The following PAIP2 variants were observed in gnomAD, a reference collection of about 807,000 sequenced individuals.
PAIP2 encodes the protein poly(A) binding protein interacting protein 2, also known as polyadenylate-binding protein-interacting protein 2.
A neutral mutation model predicts 14.8 loss-of-function variants in PAIP2; 7 were observed. The ratio of observed to expected loss-of-function variants is 0.47; its 90% CI spans 0.27 to 0.89. The LOEUF (loss-of-function observed/expected upper bound fraction) is 0.89. Among genes scored for constraint, PAIP2 ranks in the 40% least tolerant of loss-of-function variants. PAIP2 has a pLI of 0.13. For synonymous variants in PAIP2, 47 were observed against 45.3 expected (o/e 1.04, Z -0.15); for missense variants, 122 against 154.7 (o/e 0.79, Z 1.12).
At chr5:139,342,333 G>C (rs1277771116) in intron 1 of PAIP2, 1 of 151,870 alleles carries the variant, frequency 6.6e-6, no homozygotes, top group African/African-American at 2.4e-5. Flanking sequence ...CCTTTCCCCT[G>C]CCCCCCTCCC....
chr5:139,361,417 A>G (rs1757063770), intron 1 of PAIP2, among the ~76,000 whole-genome samples: 1 of 152,208 alleles, frequency 6.6e-6, no homozygotes, highest in Middle Eastern at 3.2e-3. Flanking sequence ...GCAGACCTCA[A>G]TAAGCCTTTC....
intron 1 of PAIP2, among the ~76,000 whole-genome samples, chr5:139,361,522 T>C (rs1037599856): frequency 6.6e-6 from 1 of 152,192 alleles, no homozygotes; most frequent in African/African-American, 2.4e-5. Flanking sequence ...TGAATTGGAA[T>C]ATTTTAGAAT....
At chr5:139,359,166 AC>A (rs1757000607) in intron 1 of PAIP2, among the ~76,000 whole-genome samples, 2 of 151,230 alleles carry the variant, frequency 1.3e-5, no homozygotes, top group South Asian at 4.2e-4. Context: ...ACAGAGTCTT[AC>A]TCTGTCTCCC....
In PAIP2 at chr5:139,363,743, C is replaced by A; in HGVS notation, c.-26-16C>A. ...TGAATGAGTAAGTAAATTAACTGTGCTGTTGTTCTTTTAAGGTTAAAAACG... is the reference window on the plus strand; with the variant it reads ...TGAATGAGTAAGTAAATTAACTGTGATGTTGTTCTTTTAAGGTTAAAAACG... On this transcript the variant is annotated splice_polypyrimidine_tract_variant and intron_variant, in intron 1 of 3. Transcript: ENST00000265192. 1 of 1,606,598 alleles carries A rather than the reference C, an allele frequency of 6.2e-7. No individual in the cohort carries two copies. Among genetic ancestry groups the A allele is most frequent in the Non-Finnish European group, 8.5e-7 (1 of 1,175,970 alleles).
chr5:139,347,224 A>G (rs894956143), intron 1 of PAIP2, among the ~76,000 whole-genome samples: 4 of 150,874 alleles, frequency 2.7e-5, no homozygotes, highest in Non-Finnish European at 5.9e-5. Flanking sequence ...TGTTACAACT[A>G]ATTTTTTTTT....
chr5:139,365,357 A>G (rs1032527936), intron 3 of PAIP2, among the ~76,000 whole-genome samples: 2 of 150,836 alleles, frequency 1.3e-5, no homozygotes, highest in African/African-American at 4.9e-5. Context: ...GTGGTGGTGC[A>G]TGCCTGTAAG....
intron 1 of PAIP2, among the ~76,000 whole-genome samples, chr5:139,347,342 T>G (rs1336418610): frequency 6.6e-6 from 1 of 150,568 alleles, no homozygotes; most frequent in Non-Finnish European, 1.5e-5. Context: ...GGCGCGATCT[T>G]GGCTCACTGC....
At chr5:139,358,881 A>G (rs1434021518) in intron 1 of PAIP2, among the ~76,000 whole-genome samples, 1 of 152,206 alleles carries the variant, frequency 6.6e-6, no homozygotes, top group Non-Finnish European at 1.5e-5. Flanking sequence ...GAGAGTGACT[A>G]CAGATGGGTA....
At chr5:139,353,398 T>A (rs1230535694) in intron 1 of PAIP2, among the ~76,000 whole-genome samples, 1 of 152,130 alleles carries the variant, frequency 6.6e-6, no homozygotes, top group East Asian at 1.9e-4. Flanking sequence ...TTAAAGACAT[T>A]TGTTTCTGGC....
chr5:139,360,607 C>T (rs1757040249), intron 1 of PAIP2, among the ~76,000 whole-genome samples: 1 of 151,990 alleles, frequency 6.6e-6, no homozygotes, highest in Admixed American at 6.6e-5. Flanking sequence ...ATCCTCCTAC[C>T]TTGGCCTCCC....
chr5:139,342,277 T>A (rs1239269443), intron 1 of PAIP2, among the ~76,000 whole-genome samples: 2 of 152,088 alleles, frequency 1.3e-5, no homozygotes. Context: ...GATAGCACTT[T>A]CTCCTGTTCC....
intron 1 of PAIP2, among the ~76,000 whole-genome samples, chr5:139,348,956 G>A (rs899989618): frequency 5.9e-5 from 9 of 152,102 alleles, no homozygotes; most frequent in African/African-American, 1.9e-4. Flanking sequence ...GATTACAAGC[G>A]TGAGCCACTG....
At chr5:139,363,994 T>C in intron 2 of PAIP2, 72 bp downstream of exon 2, 1 of 1,310,796 alleles carries the variant, frequency 7.6e-7, no homozygotes, top group East Asian at 2.3e-5. Flanking sequence ...GTCCCTGAAA[T>C]GTGTTTATCT....
intron 3 of PAIP2, 83 bp from the exon 4 acceptor site, chr5:139,368,645 TGGAAG>T: frequency 2.3e-6 from 2 of 870,130 alleles, no homozygotes; most frequent in African/African-American, 1.7e-5. Context: ...TTTTTTTTTT[TGGAAG>T]ATGTTTTTGC....
At chr5:139,345,085 G>T (rs867996166) in intron 1 of PAIP2, among the ~76,000 whole-genome samples, 23 of 151,908 alleles carry the variant, frequency 1.5e-4, no homozygotes, top group Non-Finnish European at 2.5e-4. Flanking sequence ...TTGCTCTGTT[G>T]CCCAGGCTGG....
chr5:139,355,947 C>T (rs1756896916), intron 1 of PAIP2, among the ~76,000 whole-genome samples: 1 of 151,172 alleles, frequency 6.6e-6, no homozygotes, highest in Non-Finnish European at 1.5e-5. Context: ...ACCAGGCTGG[C>T]CAACATGGTG....
In PAIP2 at chr5:139,345,317, G is replaced by A. The variant is rs145524501; in HGVS notation, c.-27+3337G>A. The stretch of plus-strand genomic sequence containing the variant: ...GCCTCCCAAAGTGCTGGGATTACAG[G>A]TGTGAGCCACCGCGCCCAGCCCAGA... On this transcript the variant is annotated intron_variant, in intron 1 of 3. Coordinates refer to ENST00000265192, the MANE Select transcript of PAIP2 (RefSeq NM_016480.5). 5.7e-3 allele frequency among the ~76,000 whole-genome samples: 868 copies of A among 152,084 alleles called. 7 individuals carry two copies. The highest frequency in any genetic ancestry group is 0.019 in the African/African-American group (808 of 41,472).
At chr5:139,363,608 G>T (rs1757135147) in intron 1 of PAIP2, among the ~76,000 whole-genome samples, 151 bp from the exon 2 acceptor site, 1 of 151,864 alleles carries the variant, frequency 6.6e-6, no homozygotes. Flanking sequence ...TGTAGTCCCA[G>T]TTACTTGGGA....
intron 1 of PAIP2, among the ~76,000 whole-genome samples, chr5:139,343,862 C>T (rs1262206694): frequency 6.6e-6 from 1 of 151,912 alleles, no homozygotes; most frequent in Non-Finnish European, 1.5e-5. Context: ...GGACTACAGG[C>T]GCTTGCCACC....
Sources: gnomAD v4.1 joint callset for allele counts (sites outside exome capture counted in the v4.1 genomes callset) on GRCh38, gnomAD v4.1.1 for gene constraint, MANE v1.5 for transcripts, NCBI Gene and HGNC (gene_info 2026-07-23, HGNC 2026-07-21) for gene names.